The following CPNE5 variants were observed in gnomAD, a reference collection of about 807,000 sequenced individuals.
The protein encoded by CPNE5 is copine-5.
Under a neutral mutation model 81.1 loss-of-function variants are expected in CPNE5, and 42 were observed. That is an observed-to-expected ratio of 0.52 (90% CI 0.40 to 0.67). CPNE5 has a LOEUF of 0.67. Ranked by LOEUF, CPNE5 falls within the 30% of genes least tolerant of loss-of-function variation. The probability of loss-of-function intolerance (pLI) is 0.00; values close to 1 mark genes in which losing one functional copy is unlikely to be tolerated. For synonymous variants in CPNE5, 313 were observed against 321.5 expected, an observed-to-expected ratio of 0.97 and a Z score of 0.28; for missense variants, 612 against 815.5, an observed-to-expected ratio of 0.75 and a Z score of 3.04.
At chr6:36,836,996 T>G (rs895079055) in intron 1 of CPNE5, among the ~76,000 whole-genome samples, 1 of 152,218 alleles carries the variant, frequency 6.6e-6, no homozygotes, top group Non-Finnish European at 1.5e-5. Context: ...AAAAGGGTAT[T>G]GACCCAGGGT....
intron 3 of CPNE5, among the ~76,000 whole-genome samples, chr6:36,813,672 C>T (rs942764986): frequency 1.3e-5 from 2 of 152,302 alleles, no homozygotes; most frequent in East Asian, 3.9e-4. Flanking sequence ...TAATTGTTCA[C>T]ACCACTCAAA....
chr6:36,783,814 A>C (rs1582873632), intron 8 of CPNE5, among the ~76,000 whole-genome samples: 1 of 152,196 alleles, frequency 6.6e-6, no homozygotes, highest in South Asian at 2.1e-4. Context: ...GCACCTGGCT[A>C]TTATTCCCAT....
intron 8 of CPNE5, among the ~76,000 whole-genome samples, chr6:36,788,232 G>GT (rs1209786350): frequency 1.3e-5 from 2 of 151,790 alleles, no homozygotes; most frequent in African/African-American, 2.4e-5. Context: ...TGGTCGGGGG[G>GT]GGGTCTCACT....
intron 6 of CPNE5, among the ~76,000 whole-genome samples, chr6:36,795,326 G>A (rs557469536): frequency 2.6e-5 from 4 of 152,034 alleles, no homozygotes; most frequent in Admixed American, 2.0e-4. Context: ...CTACAGGCAC[G>A]CACCACCATG....
chr6:36,788,011 A>G (rs1768726931), intron 8 of CPNE5, among the ~76,000 whole-genome samples: 4 of 150,320 alleles, frequency 2.7e-5, no homozygotes, highest in African/African-American at 4.9e-5. Flanking sequence ...AACCCTCTGT[A>G]TTGACAACAA....
At chr6:36,813,400 G>A (rs187190601) in intron 3 of CPNE5, among the ~76,000 whole-genome samples, 154 of 152,236 alleles carry the variant, frequency 1.0e-3, no homozygotes, top group Non-Finnish European at 1.8e-3. Context: ...GCATGGTGGC[G>A]CATGCCTGTA....
chr6:36,816,613 G>T (rs915340471), intron 3 of CPNE5, among the ~76,000 whole-genome samples: 1 of 152,238 alleles, frequency 6.6e-6, no homozygotes, highest in African/African-American at 2.4e-5. Context: ...ATGGAGGAGT[G>T]GTGGGAACTG....
At chr6:36,744,409 G>A in intron 18 of CPNE5, 84 bp from the exon 19 acceptor site, 5 of 1,051,718 alleles carry the variant, frequency 4.8e-6, no homozygotes, top group Non-Finnish European at 7.2e-6. Flanking sequence ...GGTAGGACAG[G>A]AAGGGGTGGG....
chr6:36,825,358 A>G (rs1029037357), intron 1 of CPNE5, among the ~76,000 whole-genome samples: 1 of 152,076 alleles, frequency 6.6e-6, no homozygotes, highest in Non-Finnish European at 1.5e-5. Context: ...GATGCCCCCA[A>G]GAGAGGAATT....
chr6:36,838,992 T>G (rs1375632817), intron 1 of CPNE5, among the ~76,000 whole-genome samples: 1 of 152,228 alleles, frequency 6.6e-6, no homozygotes, highest in African/African-American at 2.4e-5. Flanking sequence ...ACCAACTCCC[T>G]CTCCCCACTT....
In CPNE5 at chr6:36,745,073, G is replaced by A. The variant is rs747460819; in HGVS notation, c.1406C>T (p.Ala469Val). ...GTTGACAATGGCCTCCTTGGTCTGCGCCATGTCCGAGATGACCCCATCAGT... is the reference window on the plus strand; with the variant it reads ...GTTGACAATGGCCTCCTTGGTCTGCACCATGTCCGAGATGACCCCATCAGT... Reference protein sequence around the residue: ...IITDGVISDMAQTKEAIVNAA... With the variant: ...IITDGVISDMVQTKEAIVNAA... Residue 469 changes from alanine to valine, a missense_variant, in exon 18 of 21, where the codon GCG becomes GTG. Transcript: ENST00000244751. 2.9e-5 allele frequency: 47 copies of A among 1,613,680 alleles called. No individual in the cohort carries two copies. Among genetic ancestry groups the A allele is most frequent in the Non-Finnish European group, 3.6e-5 (43 of 1,179,726 alleles).
intron 20 of CPNE5, chr6:36,742,702 T>G (rs1763674609): frequency 1.0e-6 from 1 of 985,126 alleles, no homozygotes; most frequent in Non-Finnish European, 1.2e-6. Flanking sequence ...TTTCATTCAC[T>G]CGACAAAAAC....
intron 3 of CPNE5, among the ~76,000 whole-genome samples, chr6:36,807,715 T>C (rs1450436754): frequency 6.6e-6 from 1 of 152,188 alleles, no homozygotes; most frequent in Non-Finnish European, 1.5e-5. Flanking sequence ...AGATATCTTC[T>C]GTATGCGGGG....
intron 1 of CPNE5, chr6:36,838,594 T>G: frequency 5.3e-6 from 1 of 189,486 alleles, no homozygotes; most frequent in South Asian, 1.8e-4. Flanking sequence ...TCTGTTGGAC[T>G]CTACAGTTTC....
At chr6:36,777,851 A>C (rs1054186585) in intron 9 of CPNE5, among the ~76,000 whole-genome samples, 10 of 145,284 alleles carry the variant, frequency 6.9e-5, no homozygotes, top group Admixed American at 1.4e-4. Flanking sequence ...CCCTCTGGGC[A>C]CACTTGCTTT....
intron 3 of CPNE5, among the ~76,000 whole-genome samples, chr6:36,803,664 T>A (rs1487701972): frequency 6.6e-6 from 1 of 152,256 alleles, no homozygotes; most frequent in East Asian, 1.9e-4. Flanking sequence ...ATGTGTGTGT[T>A]GTTTGAATTA....
At chr6:36,756,167 C>G in intron 13 of CPNE5, 78 bp downstream of exon 13, 1 of 1,244,538 alleles carries the variant, frequency 8.0e-7, no homozygotes, top group Non-Finnish European at 1.2e-6. Context: ...CACAGACGCA[C>G]GGGCCTCCCT....
At chr6:36,789,780 T>A (rs1487101211) in intron 8 of CPNE5, among the ~76,000 whole-genome samples, 2 of 152,158 alleles carry the variant, frequency 1.3e-5, no homozygotes, top group Admixed American at 6.5e-5. Context: ...TTCAGTCACA[T>A]ATTCGTGATG....
At chr6:36,743,567 TG>T in intron 20 of CPNE5, 121 bp downstream of exon 20, 2 of 956,496 alleles carry the variant, frequency 2.1e-6, no homozygotes, top group Non-Finnish European at 3.3e-6. Context: ...TGGGCCACTT[TG>T]GGGCTCCCAG....
Sources: allele counts gnomAD v4.1 joint callset (sites outside exome capture counted in the v4.1 genomes callset), GRCh38; gene constraint gnomAD v4.1.1; transcripts MANE v1.5; gene names NCBI Gene and HGNC (gene_info 2026-07-23, HGNC 2026-07-21).